Variants in CAPRIN2 observed in about 807,000 individuals in gnomAD.
CAPRIN2 encodes the protein caprin family member 2, also known as caprin-2.
CAPRIN2 carries 66 observed loss-of-function variants against 130.4 expected under a neutral mutation model. The observed-to-expected ratio is 0.51, with a 90% CI of 0.42 to 0.62. CAPRIN2 has a LOEUF of 0.62. Among genes scored for constraint, CAPRIN2 ranks in the 20% least tolerant of loss-of-function variants. The pLI is 0.00. For missense variants in CAPRIN2, 1,185 were observed against 1,246.6 expected (o/e 0.95, Z 0.74); for synonymous variants, 471 against 444.1 (o/e 1.06, Z -0.76).
intron 15 of CAPRIN2, among the ~76,000 whole-genome samples, chr12:30,712,565 T>C (rs1167619245): frequency 6.6e-6 from 1 of 152,162 alleles, no homozygotes; most frequent in Non-Finnish European, 1.5e-5. Flanking sequence ...TTAGTTCATT[T>C]AATTCTCAGA....
intron 12 of CAPRIN2, 40 bp from the exon 14 acceptor site, chr12:30,719,265 T>C (rs770108044): frequency 6.2e-7 from 1 of 1,608,792 alleles, no homozygotes; most frequent in Non-Finnish European, 8.5e-7. Flanking sequence ...TCACCTGCCA[T>C]ATAACAAGCA....
At chr12:30,731,980 T>G (rs557112777) in intron 5 of CAPRIN2, among the ~76,000 whole-genome samples, 20 of 152,188 alleles carry the variant, frequency 1.3e-4, no homozygotes, top group African/African-American at 4.8e-4. Context: ...TTTAGAGAAG[T>G]AAAAGTCAGT....
intron 2 of CAPRIN2, among the ~76,000 whole-genome samples, chr12:30,742,787 C>T (rs757114696): frequency 1.3e-5 from 2 of 151,916 alleles, no homozygotes; most frequent in Non-Finnish European, 2.9e-5. Context: ...CTGTTGGAAA[C>T]ATACTATTTG....
At chr12:30,720,027 T>A (rs1591995473) in intron 12 of CAPRIN2, 1 of 152,354 alleles carries the variant, frequency 6.6e-6, no homozygotes, top group South Asian at 2.1e-4. Flanking sequence ...TTACTCAAAC[T>A]TAGTAAAAAC....
At position 30,735,072 on chromosome 12, in the gene CAPRIN2, G is replaced by C. The variant is rs375578061; in HGVS notation, c.705C>G (p.Asp235Glu). 2.9e-5 allele frequency: 47 copies of C among 1,613,980 alleles called. No homozygotes were observed. The highest frequency in any genetic ancestry group is 3.8e-5 in the Non-Finnish European group (45 of 1,179,984). Residue 235 changes from aspartate to glutamate, a missense_variant, in exon 4 of 17, where the codon GAC becomes GAG. This residue lies in a region of CAPRIN2 where 1,104 missense variants were observed against 1,104.3 expected (regional missense o/e 1.00). Transcript: ENST00000298892. ...CTGCACCATTCAAACCCCCTTTGAA[G>C]TCTTTTTGTACGTGCTCCTGTGTCA...
At chr12:30,742,232 T>C (rs2067810797) in intron 2 of CAPRIN2, among the ~76,000 whole-genome samples, 1 of 152,176 alleles carries the variant, frequency 6.6e-6, no homozygotes, top group Non-Finnish European at 1.5e-5. Context: ...GTGTTAAGTA[T>C]ATTATACCTC....
chr12:30,730,245 T>C lies in CAPRIN2; in HGVS notation c.1098A>G (p.Pro366=), dbSNP rs768344732. 22 of 1,610,748 alleles carry C rather than the reference T, an allele frequency of 1.4e-5. No homozygotes were observed. The South Asian group carries it at 2.4e-4, about 18-fold the overall frequency. Residue 366 remains proline (P), a synonymous_variant, in exon 7 of 17, where the codon CCA becomes CCG. Coordinates refer to ENST00000298892, the Ensembl canonical transcript of CAPRIN2. ...TTGTCTTTCAGTATCTTACCTCTTG[T>C]GGTTGTATCTCTGGCTGGGCAAATT...
rs766677860 is a variant in CAPRIN2 at position 30,713,779 on chromosome 12, A to T, written c.2601+6T>A. The T allele has an allele frequency of 1.3e-6, 2 of 1,513,446 alleles. No homozygotes were observed. Among genetic ancestry groups the T allele is most frequent in the Non-Finnish European group, 1.8e-6 (2 of 1,089,354 alleles). 93.8% of individuals were successfully genotyped at this position (1,513,446 alleles called of 1,614,324 possible). A position where few individuals can be genotyped will look rare whatever the true frequency, so the allele number is the denominator to read the frequency against. ...CTATTCAACTATGACAACTATTCTT[A>T]CTTACCCTTTGGGAATAAGGTGCTC... On this transcript the variant is annotated splice_donor_region_variant and intron_variant, in intron 15 of 16. Coordinates refer to ENST00000298892, the Ensembl canonical transcript of CAPRIN2.
intron 4 of CAPRIN2, among the ~76,000 whole-genome samples, chr12:30,733,933 G>C (rs1298230200): frequency 6.6e-6 from 1 of 152,076 alleles, no homozygotes; most frequent in East Asian, 1.9e-4. Flanking sequence ...ACTAAAATAT[G>C]GATTTTACCA....
intron 2 of CAPRIN2, among the ~76,000 whole-genome samples, chr12:30,750,707 G>GT (rs1173328947): frequency 2.0e-5 from 3 of 152,180 alleles, no homozygotes; most frequent in Non-Finnish European, 4.4e-5. Flanking sequence ...GGAGCAGAAA[G>GT]ATGTCAGGTT....
At chr12:30,740,818 AT>A (rs1315583968) in intron 3 of CAPRIN2, among the ~76,000 whole-genome samples, 1 of 152,210 alleles carries the variant, frequency 6.6e-6, no homozygotes, top group South Asian at 2.1e-4. Context: ...CTCAGATGCC[AT>A]TTGTGTTCTC....
At position 30,730,412 on chromosome 12, in the gene CAPRIN2, A is replaced by G. The variant is rs570165581; in HGVS notation, c.1061-130T>C. ...CAGAAAAAGGGTAATATAATCAAGT[A>G]TATTGATGGCAAGAGGAATTATATT... On this transcript the variant is annotated intron_variant, in intron 6 of 16. Transcript: ENST00000298892. The G allele has an allele frequency of 7.6e-5, 50 of 660,788 alleles. No individual in the cohort carries two copies. In the African/African-American group the frequency reaches 8.5e-4, roughly 11 times the overall value. The allele number at this position is 660,788 out of a possible 1,614,324, so 40.9% of individuals were successfully genotyped here.
At chr12:30,742,105 G>A (rs759662014) in intron 2 of CAPRIN2, among the ~76,000 whole-genome samples, 17 of 152,052 alleles carry the variant, frequency 1.1e-4, no homozygotes, top group Non-Finnish European at 2.2e-4. Flanking sequence ...GTAAATCAGA[G>A]CACAAAAGAG....
At chr12:30,741,669 G>A (rs2067505046) in intron 2 of CAPRIN2, among the ~76,000 whole-genome samples, 1 of 152,072 alleles carries the variant, frequency 6.6e-6, no homozygotes, top group Non-Finnish European at 1.5e-5. Context: ...GGCATTTCAT[G>A]GGACTTTAAC....
chr12:30,713,512 G>A (rs1472650453), intron 15 of CAPRIN2, among the ~76,000 whole-genome samples: 1 of 152,170 alleles, frequency 6.6e-6, no homozygotes, highest in African/African-American at 2.4e-5. Context: ...CATTTCTCCT[G>A]TGAGGTGGAA....
chr12:30,732,520 C>CA (rs948614881), intron 5 of CAPRIN2, among the ~76,000 whole-genome samples: 1 of 151,934 alleles, frequency 6.6e-6, no homozygotes, highest in Non-Finnish European at 1.5e-5. Context: ...TTCATCAACC[C>CA]AAAAAATTCC....
chr12:30,724,754 G>A (rs575036181), intron 9 of CAPRIN2, among the ~76,000 whole-genome samples: 1 of 152,308 alleles, frequency 6.6e-6, no homozygotes, highest in African/African-American at 2.4e-5. Context: ...ACTCTGGGAG[G>A]CTGAGGTAGA....
intron 12 of CAPRIN2, chr12:30,720,471 A>G (rs2059069487): frequency 5.9e-6 from 1 of 168,944 alleles, no homozygotes; most frequent in Non-Finnish European, 1.3e-5. Context: ...AAAGTTATTG[A>G]GCTTTCATTT....
At chr12:30,742,871 T>G (rs576475851) in intron 2 of CAPRIN2, among the ~76,000 whole-genome samples, 1 of 152,192 alleles carries the variant, frequency 6.6e-6, no homozygotes, top group Non-Finnish European at 1.5e-5. Context: ...TTCAGCCATA[T>G]ATTTTATAAT....
Sources: gnomAD v4.1 joint callset for allele counts (sites outside exome capture counted in the v4.1 genomes callset) on GRCh38, gnomAD v4.1.1 for gene constraint, gnomAD v4.1.1 regional missense constraint, MANE v1.5 for transcripts, NCBI Gene and HGNC (gene_info 2026-07-23, HGNC 2026-07-21) for gene names.